Variants in TCF7L1 observed in about 807,000 individuals in gnomAD.
TCF7L1 encodes the protein transcription factor 7 like 1.
A neutral mutation model predicts 63.7 loss-of-function variants in TCF7L1; 18 were observed. The observed-to-expected ratio is 0.28, with a 90% CI of 0.20 to 0.42. The LOEUF (loss-of-function observed/expected upper bound fraction) is 0.42, where lower values mean the gene tolerates loss of function less well. Among genes scored for constraint, TCF7L1 ranks in the 10% least tolerant of loss-of-function variants. The pLI is 1.00. For synonymous variants in TCF7L1, 355 were observed against 340.9 expected, an observed-to-expected ratio of 1.04 and a Z score of -0.46; for missense variants, 654 against 779.3, an observed-to-expected ratio of 0.84 and a Z score of 1.91.
chr2:85,231,777 C>T lies in TCF7L1; in HGVS notation c.442-51718C>T, dbSNP rs117996698. On this transcript the variant is annotated intron_variant, in intron 3 of 11. Coordinates refer to ENST00000282111, the MANE Select transcript of TCF7L1 (RefSeq NM_031283.3). ...TCCCACCCCTGGCATGGGTATAGGA[C>T]GTCATTTCTGTTAACCTTGTGTTGG... Among the ~76,000 whole-genome samples, 19 of 152,292 alleles carry T rather than the reference C, an allele frequency of 1.2e-4. No homozygotes were observed. In the East Asian group the frequency reaches 3.1e-3, roughly 25 times the overall value.
intron 3 of TCF7L1, among the ~76,000 whole-genome samples, chr2:85,277,754 A>G (rs882831): frequency 0.28 from 42,217 of 152,072 alleles, 6,226 homozygotes; most frequent in East Asian, 0.57. Flanking sequence ...TTTTCCTTGC[A>G]TGCAACTGTG....
intron 3 of TCF7L1, among the ~76,000 whole-genome samples, chr2:85,220,050 G>T (rs1679808203): frequency 6.6e-6 from 1 of 152,160 alleles, no homozygotes; most frequent in Non-Finnish European, 1.5e-5. Context: ...TAACTTTCCT[G>T]TAAAATGGAA....
Position 85,302,532 on chromosome 2 carries a change from A to T in TCF7L1, c.574A>T (p.Thr192Ser), listed in dbSNP as rs1682006005. The change falls in exon 5 of 12, where the codon ACT becomes TCT. Residue 192 changes from threonine to serine, a missense_variant. Transcript: ENST00000282111. ...GCACCCGCATCACATGCATCCGCTG[A>T]CTCCCCTCATCACCTACAGCAATGA... The part of the protein sequence containing the change: ...VQHPHHMHPL[T>S]PLITYSNDHF... 2 of 1,612,812 alleles carry T rather than the reference A, an allele frequency of 1.2e-6. No homozygotes were observed. Among genetic ancestry groups the T allele is most frequent in the Non-Finnish European group, 1.7e-6 (2 of 1,179,734 alleles).
At chr2:85,181,386 A>G (rs1175765673) in intron 3 of TCF7L1, among the ~76,000 whole-genome samples, 2 of 152,238 alleles carry the variant, frequency 1.3e-5, no homozygotes, top group Non-Finnish European at 2.9e-5. Context: ...AGAAGGACAT[A>G]TAGGAGGCTC....
chr2:85,147,196 C>T (rs1326474188), intron 3 of TCF7L1, among the ~76,000 whole-genome samples: 1 of 152,192 alleles, frequency 6.6e-6, no homozygotes, highest in African/African-American at 2.4e-5. Flanking sequence ...AGTCTCACAT[C>T]TGGAAACCCT....
chr2:85,135,910 A>C (rs1459338562), intron 3 of TCF7L1, among the ~76,000 whole-genome samples: 14 of 121,724 alleles, frequency 1.2e-4, no homozygotes, highest in Non-Finnish European at 2.2e-4. Context: ...CATTAAAAGA[A>C]AAGAGGTGCG....
intron 3 of TCF7L1, among the ~76,000 whole-genome samples, chr2:85,178,251 T>C (rs1156496783): frequency 6.6e-6 from 1 of 152,242 alleles, no homozygotes. Flanking sequence ...TTTCAGAATT[T>C]CCTGTGTTTT....
chr2:85,248,461 A>T (rs954602116), intron 3 of TCF7L1, among the ~76,000 whole-genome samples: 1 of 152,172 alleles, frequency 6.6e-6, no homozygotes, highest in Admixed American at 6.5e-5. Flanking sequence ...AATACAACCC[A>T]GTCTCCAAAC....
chr2:85,209,901 T>G (rs1393885405), intron 3 of TCF7L1, among the ~76,000 whole-genome samples: 1 of 152,184 alleles, frequency 6.6e-6, no homozygotes, highest in African/African-American at 2.4e-5. Context: ...GGGAAATCAG[T>G]TAGAATATTA....
rs943850335 is a variant in TCF7L1, at chr2:85,166,709, A to G, written c.441+32259A>G. Among the ~76,000 whole-genome samples, 48 of 152,340 alleles carry G rather than the reference A, an allele frequency of 3.2e-4. 1 individual carries two copies. The highest frequency in any genetic ancestry group is 1.1e-3 in the African/African-American group (45 of 41,568). On this transcript the variant is annotated intron_variant, in intron 3 of 11. Coordinates refer to ENST00000282111, the MANE Select transcript of TCF7L1 (RefSeq NM_031283.3). The stretch of plus-strand genomic sequence containing the variant: ...TGGGAAGGCATTTGATACAAATCCC[A>G]GAGCACACTCAAAAACTAAGGTGGT...
intron 11 of TCF7L1, among the ~76,000 whole-genome samples, chr2:85,308,179 C>T (rs1455668549): frequency 6.6e-6 from 1 of 152,064 alleles, no homozygotes; most frequent in Non-Finnish European, 1.5e-5. Flanking sequence ...TGTGTCAAAA[C>T]CATGTATAAA....
chr2:85,217,599 T>C (rs924236494), intron 3 of TCF7L1, among the ~76,000 whole-genome samples: 1 of 152,206 alleles, frequency 6.6e-6, no homozygotes, highest in Admixed American at 6.5e-5. Context: ...GGCACTTTTC[T>C]TTTTCAGAGT....
intron 3 of TCF7L1, among the ~76,000 whole-genome samples, chr2:85,208,997 C>G (rs572166697): frequency 6.6e-6 from 1 of 152,088 alleles, no homozygotes; most frequent in East Asian, 1.9e-4. Flanking sequence ...CATAGAATAA[C>G]GGGGTCAAAT....
At chr2:85,282,794 T>TG (rs1681448243) in intron 3 of TCF7L1, among the ~76,000 whole-genome samples, 18 of 119,222 alleles carry the variant, frequency 1.5e-4, no homozygotes, top group Non-Finnish European at 1.9e-4. Flanking sequence ...GAGAGAGAGA[T>TG]TGTGTGTGTG....
intron 3 of TCF7L1, among the ~76,000 whole-genome samples, chr2:85,151,791 A>C (rs1678022341): frequency 6.6e-6 from 1 of 152,192 alleles, no homozygotes; most frequent in Non-Finnish European, 1.5e-5. Flanking sequence ...TGCCCAGTTA[A>C]TTAGCTGTGA....
chr2:85,229,765 T>C (rs937883641), intron 3 of TCF7L1, among the ~76,000 whole-genome samples: 4 of 152,230 alleles, frequency 2.6e-5, no homozygotes, highest in Admixed American at 2.0e-4. Flanking sequence ...CCCAGCACTT[T>C]GGAAGACTGA....
intron 7 of TCF7L1, 147 bp from the exon 8 acceptor site, chr2:85,305,113 G>T: frequency 9.1e-7 from 1 of 1,096,222 alleles, no homozygotes; most frequent in Non-Finnish European, 1.4e-6. Flanking sequence ...TGGTTTTCTA[G>T]AAGACGACAA....
intron 3 of TCF7L1, among the ~76,000 whole-genome samples, chr2:85,272,519 G>A (rs10195229): frequency 0.25 from 38,047 of 151,928 alleles, 5,353 homozygotes; most frequent in East Asian, 0.56. Flanking sequence ...ATGACCGGGC[G>A]TGGTAGCTCA....
chr2:85,274,438 T>C (rs1486477747), intron 3 of TCF7L1, among the ~76,000 whole-genome samples: 5 of 152,146 alleles, frequency 3.3e-5, no homozygotes, highest in Non-Finnish European at 1.5e-5. Context: ...TCGGGGGACA[T>C]ACCTAGCCAA....
Sources: gnomAD v4.1 joint callset for allele counts (sites outside exome capture counted in the v4.1 genomes callset) on GRCh38, gnomAD v4.1.1 for gene constraint, MANE v1.5 for transcripts, NCBI Gene and HGNC (gene_info 2026-07-23, HGNC 2026-07-21) for gene names.